APAF1: variants seen among roughly 807,000 people sequenced by gnomAD.
APAF1 encodes apoptotic protease-activating factor 1.
Under a neutral mutation model 152.4 loss-of-function variants are expected in APAF1, and 91 were observed. The observed-to-expected ratio is 0.60, with a 90% CI of 0.50 to 0.71. The LOEUF is 0.71. APAF1 is among the 30% of genes least tolerant of loss of function. APAF1 has a pLI of 0.00. For missense variants in APAF1, 1,283 were observed against 1,472.0 expected (o/e 0.87, Z 2.10); for synonymous variants, 484 against 494.1 (o/e 0.98, Z 0.27).
At chr12:98,676,027 C>T (rs1282333018) in intron 12 of APAF1, among the ~76,000 whole-genome samples, 2 of 152,032 alleles carry the variant, frequency 1.3e-5, no homozygotes, top group African/African-American at 2.4e-5. Context: ...ATTTACACAC[C>T]TAATAAGTAT....
At chr12:98,711,183 T>G (rs1206774600) in intron 20 of APAF1, among the ~76,000 whole-genome samples, 1 of 152,188 alleles carries the variant, frequency 6.6e-6, no homozygotes, top group Non-Finnish European at 1.5e-5. Flanking sequence ...ATTCTTCCAC[T>G]TGGGATATTT....
intron 10 of APAF1, among the ~76,000 whole-genome samples, chr12:98,668,260 A>G (rs2097675895): frequency 6.6e-6 from 1 of 152,156 alleles, no homozygotes; most frequent in Non-Finnish European, 1.5e-5. Flanking sequence ...GTGATTAGAA[A>G]AGGTACCTTA....
rs191547028 is a variant in APAF1 at position 98,674,814 on chromosome 12, T to C, written c.1794-2611T>C. ...AACGTATAGACATACATATAGTACT[T>C]AGAACAGCACCCAGTTCATAGAAAG... On this transcript the variant is annotated intron_variant, in intron 12 of 26. Transcript: ENST00000551964. Among the ~76,000 whole-genome samples, 11 of 152,324 alleles carry C rather than the reference T, an allele frequency of 7.2e-5. No individual in the cohort carries two copies. In the East Asian group the frequency reaches 2.1e-3, roughly 29 times the overall value.
At position 98,667,634 on chromosome 12, in the gene APAF1, A is replaced by G; in HGVS notation, c.1484A>G (p.Lys495Arg). The change falls in exon 10 of 27, where the codon AAG becomes AGG. Residue 495 changes from lysine (K) to arginine (R), a missense_variant. Physicochemically the swap from Lys to Arg is conservative, Grantham distance 26. Coordinates refer to ENST00000551964, the MANE Select transcript of APAF1 (RefSeq NM_181861.2). ...NFLAYHMASA[K>R]MHKELCALMF... ...CTGGCCTATCACATGGCCAGTGCCA[A>G]GATGCACAAGGTAAGATGACCCATT... is the stretch of plus-strand genomic sequence containing the variant. The G allele has an allele frequency of 1.2e-6, 2 of 1,613,748 alleles. No individual in the cohort carries two copies. Among genetic ancestry groups the G allele is most frequent in the Non-Finnish European group, 1.7e-6 (2 of 1,180,024 alleles).
At chr12:98,677,816 A>T in intron 13 of APAF1, among the ~76,000 whole-genome samples, 1 of 152,206 alleles carries the variant, frequency 6.6e-6, no homozygotes, top group Admixed American at 6.5e-5. Flanking sequence ...AGCTAAGGGT[A>T]GTGAGGAAAT....
At position 98,665,588 on chromosome 12, in the gene APAF1, T is replaced by A; in HGVS notation, c.991T>A (p.Leu331Ile). ...TGTAGTATCTTTAATTGGTGCACTT[T>A]TACGTGATTTTCCCAATCGCTGGGA... ...PLVVSLIGALLRDFPNRWEYY... is the reference protein window; with the variant it reads ...PLVVSLIGALIRDFPNRWEYY... Residue 331 changes from leucine (L) to isoleucine (I), a missense_variant, in exon 8 of 27, where the codon TTA becomes ATA. Physicochemically the swap from Leu to Ile is conservative, Grantham distance 5. Coordinates refer to ENST00000551964, the MANE Select transcript of APAF1 (RefSeq NM_181861.2). The A allele has an allele frequency of 6.2e-7, 1 of 1,613,892 alleles. No individual in the cohort carries two copies.
intron 4 of APAF1, among the ~76,000 whole-genome samples, 182 bp downstream of exon 4, chr12:98,649,866 A>G (rs1292533209): frequency 1.3e-5 from 2 of 152,184 alleles, no homozygotes; most frequent in South Asian, 2.1e-4. Context: ...CCTGAATGAG[A>G]TGACATCTTA....
intron 16 of APAF1, among the ~76,000 whole-genome samples, chr12:98,689,605 G>A (rs7963569): frequency 2.0e-5 from 3 of 152,036 alleles, no homozygotes; most frequent in Non-Finnish European, 2.9e-5. Context: ...GACTTCAGGC[G>A]TGTGTGACAA....
chr12:98,646,789 T>C (rs2097641262), intron 1 of APAF1, among the ~76,000 whole-genome samples: 1 of 152,240 alleles, frequency 6.6e-6, no homozygotes, highest in Non-Finnish European at 1.5e-5. Context: ...AAATTTGCAT[T>C]ATATTTGAAA....
chr12:98,700,242 G>A (rs190749655), intron 17 of APAF1, among the ~76,000 whole-genome samples: 26 of 152,288 alleles, frequency 1.7e-4, no homozygotes, highest in Non-Finnish European at 3.1e-4. Context: ...GGCAACTGAG[G>A]TTCAGAGCAG....
chr12:98,672,588 TCTTAC>T (rs1206963218), intron 12 of APAF1, among the ~76,000 whole-genome samples: 1 of 152,126 alleles, frequency 6.6e-6, no homozygotes, highest in Non-Finnish European at 1.5e-5. Flanking sequence ...TCTCTTTTGC[TCTTAC>T]CTTAATCTTG....
intron 15 of APAF1, among the ~76,000 whole-genome samples, chr12:98,684,252 T>TTTTA (rs1468476402): frequency 6.6e-6 from 1 of 152,092 alleles, no homozygotes; most frequent in Non-Finnish European, 1.5e-5. Context: ...GAAGCTAAAT[T>TTTTA]TTTATTTATT....
intron 21 of APAF1, among the ~76,000 whole-genome samples, chr12:98,715,220 G>T (rs11109579): frequency 0.39 from 43,112 of 109,494 alleles, 8,933 homozygotes; most frequent in African/African-American, 0.58. Flanking sequence ...TTTGCATGTA[G>T]GCATACATGG....
At chr12:98,722,084 A>G (rs1305259340) in intron 22 of APAF1, among the ~76,000 whole-genome samples, 1 of 152,026 alleles carries the variant, frequency 6.6e-6, no homozygotes, top group East Asian at 1.9e-4. Context: ...TGCGTCTCCT[A>G]TGCTCTAGTC....
chr12:98,717,384 T>G (rs1358520265), intron 22 of APAF1, among the ~76,000 whole-genome samples: 1 of 149,824 alleles, frequency 6.7e-6, no homozygotes, highest in East Asian at 1.9e-4. Context: ...TTTTTTTTTG[T>G]TTTTTTTTGA....
At chr12:98,704,586 T>C (rs58115001) in intron 18 of APAF1, among the ~76,000 whole-genome samples, 3,250 of 152,212 alleles carry the variant, frequency 0.021, 117 homozygotes, top group African/African-American at 0.075. Context: ...GGGCATGAGA[T>C]CCATAGGCTT....
chr12:98,680,537 C>A, intron 14 of APAF1, 135 bp downstream of exon 14: 2 of 915,274 alleles, frequency 2.2e-6, no homozygotes, highest in Non-Finnish European at 3.3e-6. Context: ...TGTAAATTAA[C>A]ACTATCTGAA....
chr12:98,698,204 A>T (rs771721924), intron 16 of APAF1, among the ~76,000 whole-genome samples: 8 of 152,136 alleles, frequency 5.3e-5, no homozygotes, highest in Non-Finnish European at 8.8e-5. Context: ...GTTTTTTAAA[A>T]TTTTTTTAAA....
chr12:98,699,422 A>G lies in APAF1; in HGVS notation c.2319A>G (p.Thr773=). The G allele has an allele frequency of 6.2e-7, 1 of 1,614,120 alleles. No homozygotes were observed. Among genetic ancestry groups the G allele is most frequent in the Non-Finnish European group, 8.5e-7 (1 of 1,180,010 alleles). ...ADGTLKLWDA[T]SANERKSINV... ...TTAATTCAAAGCTTTGGGATGCGAC[A>G]TCAGCAAATGAGAGGAAAAGCATTA... The change falls in exon 17 of 27, where the codon ACA becomes ACG. Residue 773 remains threonine, a synonymous_variant. Coordinates refer to ENST00000551964, the MANE Select transcript of APAF1 (RefSeq NM_181861.2).
Sources: allele counts gnomAD v4.1 joint callset (sites outside exome capture counted in the v4.1 genomes callset), GRCh38; gene constraint gnomAD v4.1.1; transcripts MANE v1.5; gene names NCBI Gene and HGNC (gene_info 2026-07-23, HGNC 2026-07-21).